Variants in ADAMTS17 observed in about 807,000 individuals in gnomAD.
ADAMTS17 encodes the protein A disintegrin and metalloproteinase with thrombospondin motifs 17.
Under a neutral mutation model 141.5 loss-of-function variants are expected in ADAMTS17, and 113 were observed. The observed-to-expected ratio is 0.80, with a 90% CI of 0.69 to 0.93. The LOEUF (loss-of-function observed/expected upper bound fraction) is 0.93. ADAMTS17 is among the 40% of genes least tolerant of loss of function. ADAMTS17 has a pLI of 0.00. For missense variants in ADAMTS17, 1,659 were observed against 1,517.9 expected (o/e 1.09, Z -1.54); for synonymous variants, 768 against 630.6 (o/e 1.22, Z -3.27).
At chr15:100,159,850 C>G (rs7173544) in intron 8 of ADAMTS17, among the ~76,000 whole-genome samples, 19 of 152,200 alleles carry the variant, frequency 1.2e-4, no homozygotes, top group African/African-American at 4.1e-4. Context: ...ATTGTATCAA[C>G]GATGTGAAAC....
intron 19 of ADAMTS17, among the ~76,000 whole-genome samples, chr15:99,994,021 C>A (rs748100224): frequency 1.2e-4 from 18 of 152,282 alleles, no homozygotes; most frequent in Admixed American, 3.9e-4. Flanking sequence ...CTGGAGCCTG[C>A]TCCTGACACG....
chr15:100,294,547 C>CAA lies in ADAMTS17; in HGVS notation c.617-13148_617-13147dup, dbSNP rs781219628. On this transcript the variant is annotated intron_variant, in intron 3 of 21. Transcript: ENST00000268070. ...CCTAGGAGTTTGAGACCAGCGTGGG[C>CAA]AAAAAAAAAAAAAAGCTGGGGATGG... 1.5e-3 allele frequency among the ~76,000 whole-genome samples: 197 copies of CAA among 129,498 alleles called. 1 individual carries two copies. Among genetic ancestry groups the CAA allele is most frequent in the South Asian group, 7.6e-3 (30 of 3,972 alleles). 85.0% of individuals were successfully genotyped at this position (129,498 alleles called of 152,430 possible).
chr15:100,066,367 G>T (rs1416420250), intron 15 of ADAMTS17, among the ~76,000 whole-genome samples: 1 of 143,532 alleles, frequency 7.0e-6, no homozygotes, highest in Non-Finnish European at 1.5e-5. Context: ...GATGGCATAT[G>T]GATACACGTC....
At chr15:100,263,009 T>C (rs7173975) in intron 4 of ADAMTS17, among the ~76,000 whole-genome samples, 6,316 of 152,178 alleles carry the variant, frequency 0.042, 425 homozygotes, top group African/African-American at 0.14. Context: ...TGTGCAAACA[T>C]ACATATACAG....
intron 3 of ADAMTS17, among the ~76,000 whole-genome samples, chr15:100,301,323 T>TTATA (rs140913683): frequency 8.2e-4 from 119 of 145,916 alleles, no homozygotes; most frequent in Non-Finnish European, 1.3e-3. Context: ...TCTATGTGAG[T>TTATA]TATATATATA....
At chr15:100,176,469 A>G (rs2040343118) in intron 8 of ADAMTS17, among the ~76,000 whole-genome samples, 1 of 152,216 alleles carries the variant, frequency 6.6e-6, no homozygotes, top group African/African-American at 2.4e-5. Flanking sequence ...AAGATGCTCA[A>G]GGCATTTTAT....
At chr15:100,309,845 C>T (rs1241917085) in intron 3 of ADAMTS17, among the ~76,000 whole-genome samples, 2 of 152,168 alleles carry the variant, frequency 1.3e-5, no homozygotes, top group Non-Finnish European at 2.9e-5. Flanking sequence ...CCCTGCTGCC[C>T]CCGACCACAG....
At chr15:100,072,423 A>G (rs1414188570) in intron 15 of ADAMTS17, among the ~76,000 whole-genome samples, 1 of 144,184 alleles carries the variant, frequency 6.9e-6, no homozygotes, top group Non-Finnish European at 1.5e-5. Flanking sequence ...GTTCCTATGG[A>G]ACCAAAAAAG....
intron 15 of ADAMTS17, among the ~76,000 whole-genome samples, chr15:100,060,440 C>T (rs1000940585): frequency 6.6e-6 from 1 of 152,228 alleles, no homozygotes; most frequent in South Asian, 2.1e-4. Context: ...GTCTTCCAGG[C>T]ACTGTGGGAA....
Position 99,997,440 on chromosome 15 carries a change from T to C in ADAMTS17, c.2741A>G (p.Gln914Arg). The change falls in exon 19 of 22, where the codon CAG becomes CGG. Residue 914 changes from glutamine to arginine, a missense_variant. Coordinates refer to ENST00000268070, the MANE Select transcript of ADAMTS17 (RefSeq NM_139057.4). The surrounding 1 kb of genome is among the most constrained non-coding windows in gnomAD (Gnocchi z 4.7). ...YCPGPRPAAV[Q>R]SCEGQDCLSI... ...CAGGCAGTCCTGGCCTTCACAGCTC[T>C]GCACTGCCGCCGGCCGGGGGCCCGG... 1.2e-6 allele frequency: 2 copies of C among 1,613,692 alleles called. No individual in the cohort carries two copies. Among genetic ancestry groups the C allele is most frequent in the Non-Finnish European group, 8.5e-7 (1 of 1,179,994 alleles).
intron 12 of ADAMTS17, among the ~76,000 whole-genome samples, chr15:100,124,212 C>T (rs1037832331): frequency 1.2e-4 from 18 of 152,260 alleles, no homozygotes; most frequent in African/African-American, 3.9e-4. Flanking sequence ...GTGATCCATC[C>T]GCCTTGGCCT....
chr15:100,173,872 G>T (rs1431737509), intron 8 of ADAMTS17, among the ~76,000 whole-genome samples: 1 of 152,158 alleles, frequency 6.6e-6, no homozygotes, highest in African/African-American at 2.4e-5. Context: ...ATTTTACAGG[G>T]ACTCCCAGGT....
intron 21 of ADAMTS17, among the ~76,000 whole-genome samples, chr15:99,975,115 C>G (rs2141257875): frequency 6.6e-6 from 1 of 152,358 alleles, no homozygotes; most frequent in South Asian, 2.1e-4. Flanking sequence ...TACTAGAAAT[C>G]CCCTTCATTT....
chr15:100,088,943 T>A (rs1468408904), intron 15 of ADAMTS17, among the ~76,000 whole-genome samples: 1 of 151,824 alleles, frequency 6.6e-6, no homozygotes, highest in African/African-American at 2.4e-5. Context: ...GGACTTCATG[T>A]CTAAAACACC....
At chr15:100,300,708 C>G (rs1389864706) in intron 3 of ADAMTS17, among the ~76,000 whole-genome samples, 1 of 152,208 alleles carries the variant, frequency 6.6e-6, no homozygotes, top group African/African-American at 2.4e-5. Context: ...TAAAATCCAA[C>G]TAGGAGGGCA....
chr15:100,057,824 G>A (rs2032718608), intron 15 of ADAMTS17, among the ~76,000 whole-genome samples: 1 of 152,120 alleles, frequency 6.6e-6, no homozygotes, highest in Admixed American at 6.5e-5. Flanking sequence ...GAGAGGACAG[G>A]CAGGAGTGCC....
intron 4 of ADAMTS17, among the ~76,000 whole-genome samples, chr15:100,266,587 G>A (rs1285181043): frequency 6.6e-6 from 1 of 152,196 alleles, no homozygotes; most frequent in African/African-American, 2.4e-5. Flanking sequence ...CCGCCTGCAA[G>A]GTCGGCCTGC....
chr15:100,138,545 G>T (rs893748551), intron 10 of ADAMTS17, among the ~76,000 whole-genome samples: 4 of 152,204 alleles, frequency 2.6e-5, no homozygotes, highest in African/African-American at 9.7e-5. Context: ...GAGAGAATCT[G>T]TGACTAGAAA....
At chr15:100,333,059 ACCTAT>A (rs2046103430) in intron 2 of ADAMTS17, among the ~76,000 whole-genome samples, 1 of 152,062 alleles carries the variant, frequency 6.6e-6, no homozygotes, top group South Asian at 2.1e-4. Flanking sequence ...GAGAAGTGCC[ACCTAT>A]GCATTACACA....
Sources: allele counts gnomAD v4.1 joint callset (sites outside exome capture counted in the v4.1 genomes callset), GRCh38; gene constraint gnomAD v4.1.1; non-coding constraint Gnocchi (gnomAD v3.1); transcripts MANE v1.5; gene names NCBI Gene and HGNC (gene_info 2026-07-23, HGNC 2026-07-21).